The following ZNF235 variants were observed in gnomAD, a reference collection of about 807,000 sequenced individuals.
ZNF235 encodes zfp-93.
A neutral mutation model predicts 29.4 loss-of-function variants in ZNF235; 25 were observed. That is an observed-to-expected ratio of 0.85 (90% CI 0.62 to 1.19). ZNF235 has a LOEUF of 1.19. ZNF235 is among the 50% of genes most tolerant of loss of function. The pLI is 0.00. For missense variants in ZNF235, 788 were observed against 885.0 expected (o/e 0.89, Z 1.39); for synonymous variants, 300 against 295.3 (o/e 1.02, Z -0.16).
intron 4 of ZNF235, among the ~76,000 whole-genome samples, chr19:44,298,590 C>T (rs899365836): frequency 1.3e-5 from 2 of 152,006 alleles, no homozygotes; most frequent in Admixed American, 6.6e-5. Context: ...CAGGGTTTTG[C>T]TATGTTAAAG....
chr19:44,300,736 G>T (rs1298933120), intron 2 of ZNF235, among the ~76,000 whole-genome samples: 1 of 151,700 alleles, frequency 6.6e-6, no homozygotes, highest in African/African-American at 2.4e-5. Flanking sequence ...GCTACTCGGG[G>T]GGCTGAGGCA....
chr19:44,290,653 T>C (rs1393631949), intron 4 of ZNF235: 1 of 154,892 alleles, frequency 6.5e-6, no homozygotes, highest in Non-Finnish European at 1.5e-5. Context: ...TCTGCAGTTA[T>C]GAAAAACACA....
chr19:44,288,556 A>G lies in ZNF235; in HGVS notation c.879T>C (p.Cys293=). The change falls in exon 5 of 5, where the codon TGT becomes TGC. Residue 293 remains cysteine (C), a synonymous_variant. Coordinates refer to ENST00000291182, the MANE Select transcript of ZNF235 (RefSeq NM_004234.4). ...AACTGGTGTCCTTCTCATGTGTACTACACGCTGGAGACTTCTTTCCCAAGT... is the reference window on the plus strand; with the variant it reads ...AACTGGTGTCCTTCTCATGTGTACTGCACGCTGGAGACTTCTTTCCCAAGT... ...QVHLGKKSPA[C]STHEKDTSYS... 1 of 1,614,108 alleles carries G rather than the reference A, an allele frequency of 6.2e-7. No homozygotes were observed. Among genetic ancestry groups the G allele is most frequent in the Non-Finnish European group, 8.5e-7 (1 of 1,179,990 alleles).
chr19:44,302,891 CATATTT>C (rs1975759356), intron 2 of ZNF235, among the ~76,000 whole-genome samples: 2 of 79,772 alleles, frequency 2.5e-5, no homozygotes, highest in Non-Finnish European at 4.1e-5. Flanking sequence ...TTTATATATA[CATATTT>C]GTATATAAAT....
In ZNF235 at chr19:44,288,904, C is replaced by T; in HGVS notation, c.531G>A (p.Gly177=). ...SIIENQEFPT[G]KVPNSWSKIY... is the part of the protein sequence containing the mutation. ...TTTTACTCCAAGAATTCGGAACTTTCCCAGTTGGAAATTCTTGATTTTCAA... is the reference window on the plus strand; with the variant it reads ...TTTTACTCCAAGAATTCGGAACTTTTCCAGTTGGAAATTCTTGATTTTCAA... The change falls in exon 5 of 5, where the codon GGG becomes GGA. Residue 177 remains glycine, a synonymous_variant. Transcript: ENST00000291182. 6.2e-7 allele frequency: 1 copy of T among 1,613,928 alleles called. No homozygotes were observed. Among genetic ancestry groups the T allele is most frequent in the Non-Finnish European group, 8.5e-7 (1 of 1,179,952 alleles).
rs2123088116 is a variant in ZNF235, at chr19:44,287,632, A to G, written c.1803T>C (p.Cys601=). ...GACTGAATCGCTTCTGACATGCATC[A>G]CACTTGAATGGTTTTTCCCCAGTGT... The part of the protein sequence containing the change: ...SVHTGEKPFK[C]DACQKRFSQA... Residue 601 remains cysteine, a synonymous_variant, in exon 5 of 5, where the codon TGT becomes TGC. Transcript: ENST00000291182. The G allele has an allele frequency of 6.2e-7, 1 of 1,613,788 alleles. No individual in the cohort carries two copies. Among genetic ancestry groups the G allele is most frequent in the Non-Finnish European group, 8.5e-7 (1 of 1,179,842 alleles).
chr19:44,295,119 C>T (rs989677425), intron 4 of ZNF235, among the ~76,000 whole-genome samples: 4 of 152,032 alleles, frequency 2.6e-5, no homozygotes, highest in Non-Finnish European at 4.4e-5. Flanking sequence ...GAAAACCAAT[C>T]TAAATTGGAA....
At chr19:44,294,496 G>T (rs1277987773) in intron 4 of ZNF235, among the ~76,000 whole-genome samples, 1 of 152,068 alleles carries the variant, frequency 6.6e-6, no homozygotes, top group Non-Finnish European at 1.5e-5. Flanking sequence ...AAGGTACAAA[G>T]AACTGGTACC....
In ZNF235 at chr19:44,287,545, G is replaced by T. The variant is rs1357105711; in HGVS notation, c.1890C>A (p.Asp630Glu). Residue 630 changes from aspartate to glutamate, a missense_variant, in exon 5 of 5, where the codon GAC becomes GAA. Physicochemically the swap from Asp to Glu is conservative, Grantham distance 45. Transcript: ENST00000291182. ...VHTGEKPYKC[D>E]TCGKAFSQRS... is the part of the protein sequence containing the mutation. ...TCTGGCTGAAGGCCTTACCACAAGT[G>T]TCACATTTATATGGTTTCTCTCCGG... 1 of 1,613,700 alleles carries T rather than the reference G, an allele frequency of 6.2e-7. No homozygotes were observed.
At chr19:44,303,353 T>C (rs1163579130) in intron 2 of ZNF235, 37 bp downstream of exon 2, 3 of 1,605,780 alleles carry the variant, frequency 1.9e-6, no homozygotes, top group Non-Finnish European at 2.6e-6. Context: ...TGAAATGAGA[T>C]GTCATTTTAA....
rs1975487530 is a variant in ZNF235 at position 44,286,518 on chromosome 19, T to C, written c.*700A>G. The C allele has an allele frequency of 6.6e-6, 1 of 152,192 alleles. No individual in the cohort carries two copies. Among genetic ancestry groups the C allele is most frequent in the African/African-American group, 2.4e-5 (1 of 41,440 alleles). The allele number at this position is 152,192 out of a possible 1,614,324, so 9.4% of individuals were successfully genotyped here. The stretch of plus-strand genomic sequence containing the variant: ...TATAAACTGACACTAAAAATCATAC[T>C]GTACACAACTGATGATACACTGTAC... On this transcript the variant is annotated 3_prime_UTR_variant, in exon 5 of 5. Coordinates refer to ENST00000291182, the MANE Select transcript of ZNF235 (RefSeq NM_004234.4).
At chr19:44,302,952 AT>A (rs1975764825) in intron 2 of ZNF235, among the ~76,000 whole-genome samples, 1 of 137,024 alleles carries the variant, frequency 7.3e-6, no homozygotes, top group Non-Finnish European at 1.5e-5. Context: ...ATATTTGTAT[AT>A]ATAAATATAT....
intron 4 of ZNF235, among the ~76,000 whole-genome samples, chr19:44,298,068 G>A (rs925741201): frequency 3.3e-5 from 5 of 152,046 alleles, no homozygotes; most frequent in South Asian, 2.1e-4. Context: ...GCAGTGAGCC[G>A]AGACTGTGTC....
intron 4 of ZNF235, among the ~76,000 whole-genome samples, chr19:44,293,250 T>C (rs1358820155): frequency 6.6e-6 from 1 of 151,920 alleles, no homozygotes; most frequent in Non-Finnish European, 1.5e-5. Flanking sequence ...AGATATTCCA[T>C]GCAAATGGAA....
rs778314974 is a variant in ZNF235 at position 44,303,408 on chromosome 19, T to C, written c.-4A>G. The stretch of plus-strand genomic sequence containing the variant: ...AACTTACCTGGAACTTGGTCATTTT[T>C]CCCCTCCTCCTTCTGGGAAAAGGCA... On this transcript the variant is annotated 5_prime_UTR_variant, in exon 2 of 5. Transcript: ENST00000291182. 1 of 1,611,026 alleles carries C rather than the reference T, an allele frequency of 6.2e-7. No homozygotes were observed. The highest frequency in any genetic ancestry group is 8.5e-7 in the Non-Finnish European group (1 of 1,178,206).
At chr19:44,303,848 A>G (rs1180984202) in intron 1 of ZNF235, among the ~76,000 whole-genome samples, 1 of 152,216 alleles carries the variant, frequency 6.6e-6, no homozygotes, top group Non-Finnish European at 1.5e-5. Flanking sequence ...GCCTTAATTC[A>G]GTTACCTGTG....
At chr19:44,304,662 C>T (rs988479277) in intron 1 of ZNF235, 4 of 943,998 alleles carry the variant, frequency 4.2e-6, no homozygotes, top group East Asian at 1.2e-4. Context: ...CCTTTACAGG[C>T]ACGAGGAAAC....
Position 44,287,449 on chromosome 19 carries a change from T to C in ZNF235, c.1986A>G (p.Lys662=), listed in dbSNP as rs565547311. The C allele has an allele frequency of 6.8e-6, 11 of 1,613,746 alleles. No individual in the cohort carries two copies. In the East Asian group the frequency reaches 1.3e-4, roughly 20 times the overall value. Residue 662 remains lysine (K), a synonymous_variant, in exon 5 of 5, where the codon AAA becomes AAG. Coordinates refer to ENST00000291182, the MANE Select transcript of ZNF235 (RefSeq NM_004234.4). ...EKPFKCEECG[K]EFSWSAGLSA... Reference sequence around the variant, plus strand: ...TGAGACCAGCACTCCAACTGAATTCTTTCCCACATTCCTCACATTTAAATG... The same window carrying C: ...TGAGACCAGCACTCCAACTGAATTCCTTCCCACATTCCTCACATTTAAATG...
chr19:44,303,046 A>G (rs1313500176), intron 2 of ZNF235, among the ~76,000 whole-genome samples: 1 of 141,136 alleles, frequency 7.1e-6, no homozygotes, highest in Non-Finnish European at 1.5e-5. Context: ...TATTGTATAC[A>G]TTTATATAAA....
Sources: allele counts gnomAD v4.1 joint callset (sites outside exome capture counted in the v4.1 genomes callset), GRCh38; gene constraint gnomAD v4.1.1; transcripts MANE v1.5; gene names NCBI Gene and HGNC (gene_info 2026-07-23, HGNC 2026-07-21).